The following NTF3 variants were observed in gnomAD, a reference collection of about 807,000 sequenced individuals.
The protein encoded by NTF3 is neurotrophin 3.
NTF3 carries 8 observed loss-of-function variants against 26.3 expected under a neutral mutation model. The ratio of observed to expected loss-of-function variants is 0.30; its 90% CI spans 0.18 to 0.55. NTF3 has a LOEUF of 0.55. NTF3 is among the 20% of genes least tolerant of loss of function. The pLI, the probability that NTF3 is intolerant of heterozygous loss-of-function variation, is 0.93. For missense variants in NTF3, 276 were observed against 352.9 expected (o/e 0.78, Z 1.75); for synonymous variants, 154 against 145.5 (o/e 1.06, Z -0.42).
At chr12:5,472,296 A>G (rs542038586) in intron 1 of NTF3, among the ~76,000 whole-genome samples, 2 of 152,256 alleles carry the variant, frequency 1.3e-5, no homozygotes, top group African/African-American at 4.8e-5. Context: ...TGGGAAACAG[A>G]ACAGAAATCA....
At chr12:5,479,516 A>G (rs2121229264) in intron 1 of NTF3, among the ~76,000 whole-genome samples, 1 of 152,298 alleles carries the variant, frequency 6.6e-6, no homozygotes, top group Admixed American at 6.5e-5. Context: ...GGGCTCTAGG[A>G]CTTTGAACAT....
At chr12:5,432,894 T>G (rs974538829) in intron 1 of NTF3, among the ~76,000 whole-genome samples, 16 of 151,990 alleles carry the variant, frequency 1.1e-4, no homozygotes, top group Non-Finnish European at 7.4e-5. Context: ...GCAGCTCCCC[T>G]GCACACGCCC....
chr12:5,491,904 C>G (rs929718044), intron 1 of NTF3, among the ~76,000 whole-genome samples: 1 of 151,326 alleles, frequency 6.6e-6, no homozygotes, highest in South Asian at 2.1e-4. Flanking sequence ...TTTTTTTAGA[C>G]GGGGTTTCAC....
At chr12:5,431,049 G>C (rs1051706352), upstream of NTF3, among the ~76,000 whole-genome samples, 1 of 152,156 alleles carries the variant, frequency 6.6e-6, no homozygotes, top group Admixed American at 6.5e-5. Context: ...TAAATTTAGA[G>C]AGAACGGCTC....
chr12:5,449,168 G>C (rs1940342425), intron 1 of NTF3, among the ~76,000 whole-genome samples: 1 of 152,208 alleles, frequency 6.6e-6, no homozygotes, highest in Admixed American at 6.5e-5. Context: ...AATTTGAAGG[G>C]ATAGGGATAG....
At chr12:5,458,653 C>T (rs1940484729) in intron 1 of NTF3, among the ~76,000 whole-genome samples, 1 of 152,148 alleles carries the variant, frequency 6.6e-6, no homozygotes, top group Admixed American at 6.5e-5. Flanking sequence ...CTATGAATTC[C>T]CAGAACAGGT....
At chr12:5,441,739 G>A (rs895511358) in intron 1 of NTF3, among the ~76,000 whole-genome samples, 22 of 152,230 alleles carry the variant, frequency 1.4e-4, no homozygotes, top group Admixed American at 1.3e-4. Flanking sequence ...GACAGTGCCA[G>A]GAACTTGGCT....
chr12:5,437,668 G>A (rs75391458), intron 1 of NTF3, among the ~76,000 whole-genome samples: 2 of 152,170 alleles, frequency 1.3e-5, no homozygotes, highest in East Asian at 1.9e-4. Context: ...ACTCTTTAAC[G>A]AGGCAGGCAG....
At chr12:5,489,624 T>C (rs947062578) in intron 1 of NTF3, among the ~76,000 whole-genome samples, 1 of 152,174 alleles carries the variant, frequency 6.6e-6, no homozygotes, top group African/African-American at 2.4e-5. Flanking sequence ...CCCTAAGCAG[T>C]CTAAAAATTT....
At chr12:5,489,468 C>G (rs1940907359) in intron 1 of NTF3, among the ~76,000 whole-genome samples, 1 of 152,184 alleles carries the variant, frequency 6.6e-6, no homozygotes. Flanking sequence ...TGCTTGTTAG[C>G]TGGTTGTGGA....
chr12:5,492,178 C>G (rs879652279), intron 1 of NTF3, among the ~76,000 whole-genome samples: 4 of 152,204 alleles, frequency 2.6e-5, no homozygotes, highest in Non-Finnish European at 5.9e-5. Flanking sequence ...AATCCATCAG[C>G]ATCAGCCAGC....
chr12:5,432,273 C>G lies in NTF3; in HGVS notation c.-52C>G. 6.2e-7 allele frequency: 1 copy of G among 1,609,858 alleles called. No individual in the cohort carries two copies. The stretch of plus-strand genomic sequence containing the variant: ...GGGAGACTTTGAATGACCGAGCTCG[C>G]GTCCACCTTTCTCTTCATGTCGACG... On this transcript the variant is annotated 5_prime_UTR_variant, in exon 1 of 2. Transcript: ENST00000423158.
chr12:5,460,048 G>GT (rs1277641695), intron 1 of NTF3, among the ~76,000 whole-genome samples: 8 of 152,146 alleles, frequency 5.3e-5, no homozygotes, highest in Non-Finnish European at 5.9e-5. Context: ...TTTTAGAACA[G>GT]TTTTAAGTTC....
chr12:5,454,134 C>T (rs1254806960), intron 1 of NTF3, among the ~76,000 whole-genome samples: 1 of 152,288 alleles, frequency 6.6e-6, no homozygotes, highest in Admixed American at 6.5e-5. Context: ...AGTCCAAGAT[C>T]AAGGTTGCGG....
intron 1 of NTF3, among the ~76,000 whole-genome samples, chr12:5,475,333 TGGTATTCTA>T (rs1188409796): frequency 6.6e-6 from 1 of 151,934 alleles, no homozygotes; most frequent in Non-Finnish European, 1.5e-5. Context: ...AAATGAAGAA[TGGTATTCTA>T]GGTGGGGCTG....
intron 1 of NTF3, among the ~76,000 whole-genome samples, chr12:5,470,688 G>A (rs957559406): frequency 2.0e-5 from 3 of 152,162 alleles, no homozygotes; most frequent in African/African-American, 4.8e-5. Flanking sequence ...GCAGCTTCAC[G>A]TGGGATTCAG....
intron 1 of NTF3, among the ~76,000 whole-genome samples, chr12:5,432,547 C>T (rs980486610): frequency 4.4e-5 from 6 of 137,846 alleles, no homozygotes; most frequent in African/African-American, 1.1e-4. Context: ...GCAACCGCAG[C>T]CACCCCGCTA....
chr12:5,457,960 C>A (rs572890274), intron 1 of NTF3, among the ~76,000 whole-genome samples: 1 of 152,174 alleles, frequency 6.6e-6, no homozygotes, highest in Non-Finnish European at 1.5e-5. Context: ...ACTGCCGCTA[C>A]GCTAATCAAA....
intron 1 of NTF3, among the ~76,000 whole-genome samples, chr12:5,435,394 G>C (rs1416975996): frequency 6.6e-6 from 1 of 152,216 alleles, no homozygotes; most frequent in South Asian, 2.1e-4. Context: ...GACAGAGCTC[G>C]ACGCTTGTTG....
Sources: allele counts gnomAD v4.1 joint callset (sites outside exome capture counted in the v4.1 genomes callset), GRCh38; gene constraint gnomAD v4.1.1; transcripts MANE v1.5; gene names NCBI Gene and HGNC (gene_info 2026-07-23, HGNC 2026-07-21).